Variants in TTC17 observed in about 807,000 individuals in gnomAD.
The protein encoded by TTC17 is tetratricopeptide repeat domain 17.
A neutral mutation model predicts 143.8 loss-of-function variants in TTC17; 58 were observed. The observed-to-expected ratio is 0.40, with a 90% confidence interval of 0.33 to 0.50. TTC17 has a LOEUF of 0.50. Ranked by LOEUF, TTC17 falls within the 20% of genes least tolerant of loss-of-function variation. The pLI is 0.49. For synonymous variants in TTC17, 501 were observed against 497.8 expected (o/e 1.01, Z -0.09); for missense variants, 1,273 against 1,392.5 (o/e 0.91, Z 1.37).
At chr11:43,375,618 C>T (rs569250757) in intron 1 of TTC17, among the ~76,000 whole-genome samples, 15 of 151,504 alleles carry the variant, frequency 9.9e-5, no homozygotes, top group South Asian at 2.1e-4. Context: ...TCCCATATTG[C>T]TTTCGTGTAC....
At chr11:43,471,924 C>T (rs1043342107) in intron 21 of TTC17, among the ~76,000 whole-genome samples, 1 of 152,128 alleles carries the variant, frequency 6.6e-6, no homozygotes, top group Non-Finnish European at 1.5e-5. Flanking sequence ...CCTAATATAT[C>T]AGTAAGCAGA....
chr11:43,412,981 G>GACATACACACACACACAC (rs1011505049), intron 15 of TTC17, among the ~76,000 whole-genome samples: 2 of 140,386 alleles, frequency 1.4e-5, no homozygotes, highest in African/African-American at 5.3e-5. Context: ...ACCTAGAATA[G>GACATACACACACACACAC]ACACACACAC....
intron 2 of TTC17, chr11:43,385,550 A>G (rs1857137718): frequency 6.6e-6 from 1 of 152,144 alleles, no homozygotes; most frequent in Non-Finnish European, 1.5e-5. Flanking sequence ...AATGAAGCTT[A>G]GATATATTTA....
At chr11:43,459,016 CG>C (rs1947815636) in intron 21 of TTC17, among the ~76,000 whole-genome samples, 1 of 152,092 alleles carries the variant, frequency 6.6e-6, no homozygotes, top group African/African-American at 2.4e-5. Flanking sequence ...AGGCATACAC[CG>C]GGGGTCTTGG....
chr11:43,379,346 T>C, intron 2 of TTC17, 24 bp downstream of exon 2: 4 of 1,580,496 alleles, frequency 2.5e-6, no homozygotes, highest in Non-Finnish European at 2.6e-6. Flanking sequence ...GCATGTGAGA[T>C]GCAGCTGATG....
intron 11 of TTC17, among the ~76,000 whole-genome samples, chr11:43,404,910 G>T (rs1046298344): frequency 3.3e-5 from 5 of 152,090 alleles, no homozygotes; most frequent in African/African-American, 1.2e-4. Flanking sequence ...TCAGGGAAAA[G>T]TAGTGTTCAA....
chr11:43,393,335 G>A (rs990038658), intron 5 of TTC17, among the ~76,000 whole-genome samples: 3 of 152,114 alleles, frequency 2.0e-5, no homozygotes, highest in African/African-American at 7.2e-5. Flanking sequence ...ACGGAAGTCA[G>A]GAAAGCACTT....
chr11:43,448,027 G>A lies in TTC17; in HGVS notation c.2691G>A (p.Leu897=). 1.2e-5 allele frequency: 19 copies of A among 1,614,080 alleles called. No individual in the cohort carries two copies. The highest frequency in any genetic ancestry group is 1.4e-5 in the Non-Finnish European group (16 of 1,179,958). The change falls in exon 19 of 24, where the codon CTG becomes CTA. Residue 897 remains leucine, a synonymous_variant. Coordinates refer to ENST00000039989, the MANE Select transcript of TTC17 (RefSeq NM_018259.6). ...GAAAAAAACGTGACTACCAGCGTCTGGGATGGCCCAGCCCGGACGAATGCC... is the reference window on the plus strand; with the variant it reads ...GAAAAAAACGTGACTACCAGCGTCTAGGATGGCCCAGCCCGGACGAATGCC... ...PQGKKRDYQR[L]GWPSPDECLK...
chr11:43,421,798 C>T (rs572019956), intron 16 of TTC17, among the ~76,000 whole-genome samples: 47 of 150,606 alleles, frequency 3.1e-4, no homozygotes, highest in Non-Finnish European at 3.7e-4. Flanking sequence ...TAACGAAGTG[C>T]ACAAAACATG....
At chr11:43,364,557 G>A (rs1179459725) in intron 1 of TTC17, among the ~76,000 whole-genome samples, 1 of 152,176 alleles carries the variant, frequency 6.6e-6, no homozygotes, top group Non-Finnish European at 1.5e-5. Context: ...ACCTGGAGAG[G>A]TCATGGTGGT....
At chr11:43,370,230 A>G (rs1430137487) in intron 1 of TTC17, 3 of 360,602 alleles carry the variant, frequency 8.3e-6, no homozygotes, top group East Asian at 8.0e-5. Context: ...AAGTGGAGCA[A>G]CAGACTTTCT....
chr11:43,405,539 A>G lies in TTC17; in HGVS notation c.1505A>G (p.Lys502Arg). 6.2e-7 allele frequency: 1 copy of G among 1,613,962 alleles called. No individual in the cohort carries two copies. The highest frequency in any genetic ancestry group is 8.5e-7 in the Non-Finnish European group (1 of 1,179,846). The change falls in exon 12 of 24, where the codon AAA becomes AGA. Residue 502 changes from lysine to arginine, a missense_variant. Physicochemically the swap from Lys to Arg is conservative, Grantham distance 26. Around this residue, in one of 3 missense-constraint regions of TTC17, gnomAD observed 878 missense variants for 899.8 expected, o/e 0.98. Coordinates refer to ENST00000039989, the MANE Select transcript of TTC17 (RefSeq NM_018259.6). ...GACAAACAGCATATTCTATGGCCTA[A>G]AAGAGCAGATTGTACAGAAAGCTAC... Reference protein sequence around the residue: ...YRDKQHILWPKRADCTESYPR... With the variant: ...YRDKQHILWPRRADCTESYPR...
At chr11:43,459,542 C>T (rs1456717539) in intron 21 of TTC17, among the ~76,000 whole-genome samples, 1 of 152,192 alleles carries the variant, frequency 6.6e-6, no homozygotes, top group African/African-American at 2.4e-5. Flanking sequence ...AGAAGCCACA[C>T]CCACAAATTT....
At chr11:43,365,712 C>A (rs756408268) in intron 1 of TTC17, among the ~76,000 whole-genome samples, 2 of 152,212 alleles carry the variant, frequency 1.3e-5, no homozygotes, top group Non-Finnish European at 2.9e-5. Context: ...GCTTAAAATG[C>A]AGATTTCCAA....
chr11:43,428,794 TCATATTTGGGAATCA>T (rs1947086897), intron 16 of TTC17, among the ~76,000 whole-genome samples: 1 of 152,214 alleles, frequency 6.6e-6, no homozygotes, highest in Non-Finnish European at 1.5e-5. Context: ...ACATACACAT[TCATATTTGGGAATCA>T]CATACTTTTC....
chr11:43,390,127 C>T (rs61883554), intron 3 of TTC17, among the ~76,000 whole-genome samples: 26,967 of 151,746 alleles, frequency 0.18, 2,988 homozygotes, highest in Non-Finnish European at 0.24. Flanking sequence ...GGCAATATAG[C>T]GAGACCCCAT....
intron 21 of TTC17, among the ~76,000 whole-genome samples, chr11:43,484,285 C>T (rs570241255): frequency 3.9e-5 from 6 of 152,168 alleles, no homozygotes; most frequent in South Asian, 2.1e-4. Flanking sequence ...AGTGGCTTCC[C>T]GTAAACTCAA....
At chr11:43,371,875 A>G (rs1004097969) in intron 1 of TTC17, among the ~76,000 whole-genome samples, 2 of 152,198 alleles carry the variant, frequency 1.3e-5, no homozygotes, top group African/African-American at 4.8e-5. Flanking sequence ...TTACAATATC[A>G]CATACACAAA....
chr11:43,430,079 T>C (rs1040481722), intron 16 of TTC17, among the ~76,000 whole-genome samples: 2 of 152,228 alleles, frequency 1.3e-5, no homozygotes, highest in African/African-American at 2.4e-5. Context: ...ATATAACTTA[T>C]ATTTACTGTA....
Sources: allele counts gnomAD v4.1 joint callset (sites outside exome capture counted in the v4.1 genomes callset), GRCh38; gene constraint gnomAD v4.1.1; regional missense constraint gnomAD v4.1.1; transcripts MANE v1.5; gene names NCBI Gene and HGNC (gene_info 2026-07-23, HGNC 2026-07-21).